The following RBFOX1 variants were observed in gnomAD, a reference collection of about 807,000 sequenced individuals.
RBFOX1 encodes RNA binding fox-1 homolog 1.
Under a neutral mutation model 57.7 loss-of-function variants are expected in RBFOX1, and 8 were observed. The observed-to-expected ratio is 0.14, with a 90% CI of 0.08 to 0.25. The LOEUF is 0.25. Ranked by LOEUF, RBFOX1 falls within the 10% of genes least tolerant of loss-of-function variation. The pLI is 1.00. For synonymous variants in RBFOX1, 326 were observed against 222.4 expected (o/e 1.47, Z -4.15); for missense variants, 611 against 548.5 (o/e 1.11, Z -1.14).
chr16:5,396,627 A>G (rs1281318436), intron 1 of RBFOX1, among the ~76,000 whole-genome samples: 1 of 152,152 alleles, frequency 6.6e-6, no homozygotes, highest in Admixed American at 6.5e-5. Context: ...GGATGACAGA[A>G]CAAGACTCTG....
At chr16:6,890,276 T>C (rs1224716246) in intron 3 of RBFOX1, among the ~76,000 whole-genome samples, 1 of 152,130 alleles carries the variant, frequency 6.6e-6, no homozygotes, top group Non-Finnish European at 1.5e-5. Context: ...CCTGGCACTT[T>C]GGGAGGCCGA....
intron 14 of RBFOX1, among the ~76,000 whole-genome samples, chr16:7,691,207 C>G (rs899664961): frequency 7.8e-6 from 1 of 128,584 alleles, no homozygotes; most frequent in East Asian, 2.0e-4. Flanking sequence ...ATTGAGAACT[C>G]TGCCTTGAAA....
At chr16:5,604,062 G>C (rs1453197076), downstream of RBFOX1, among the ~76,000 whole-genome samples, 2 of 152,048 alleles carry the variant, frequency 1.3e-5, no homozygotes, top group Admixed American at 6.5e-5. Context: ...CTAATCAATG[G>C]TGTCACTCTC....
chr16:6,802,091 C>T (rs1603626593), intron 3 of RBFOX1, among the ~76,000 whole-genome samples: 1 of 152,004 alleles, frequency 6.6e-6, no homozygotes, highest in South Asian at 2.1e-4. Flanking sequence ...TTGTTTAATC[C>T]TAAACAAGTC....
chr16:6,922,671 A>T (rs2074735397), intron 3 of RBFOX1, among the ~76,000 whole-genome samples: 1 of 152,160 alleles, frequency 6.6e-6, no homozygotes, highest in South Asian at 2.1e-4. Flanking sequence ...GGTGGAGTAA[A>T]CTTAGGCCAT....
intron 4 of RBFOX1, among the ~76,000 whole-genome samples, chr16:5,984,966 ATATATATATAT>A (rs1555462772): frequency 0.027 from 1,503 of 56,636 alleles, 11 homozygotes; most frequent in Non-Finnish European, 0.037. Flanking sequence ...ATATATATAT[ATATATATATAT>A]TTTTTTTTTT....
At chr16:6,284,827 C>T (rs2076735150) in intron 1 of RBFOX1, among the ~76,000 whole-genome samples, 1 of 152,120 alleles carries the variant, frequency 6.6e-6, no homozygotes, top group African/African-American at 2.4e-5. Flanking sequence ...ACTCCGTTCA[C>T]ATTATATACG....
intron 3 of RBFOX1, among the ~76,000 whole-genome samples, chr16:6,916,064 C>G (rs1190931030): frequency 1.3e-5 from 2 of 152,120 alleles, no homozygotes; most frequent in African/African-American, 4.8e-5. Flanking sequence ...CTGCTACTCC[C>G]CAGACCCAGG....
chr16:5,748,764 C>G (rs1443149875), intron 3 of RBFOX1, among the ~76,000 whole-genome samples: 1 of 152,104 alleles, frequency 6.6e-6, no homozygotes. Flanking sequence ...CTATGTGTGT[C>G]TCTGCACATG....
chr16:7,250,254 A>T (rs972835149), intron 4 of RBFOX1, among the ~76,000 whole-genome samples: 1 of 152,186 alleles, frequency 6.6e-6, no homozygotes, highest in Non-Finnish European at 1.5e-5. Flanking sequence ...TGGATTAGCC[A>T]TTAGGTGAAA....
chr16:6,431,854 G>C (rs1253812289), intron 2 of RBFOX1, among the ~76,000 whole-genome samples: 1 of 147,594 alleles, frequency 6.8e-6, no homozygotes, highest in East Asian at 2.0e-4. Flanking sequence ...ATGATTTAAG[G>C]AGTTTATTTA....
At chr16:7,231,534 G>C (rs117410158) in intron 4 of RBFOX1, among the ~76,000 whole-genome samples, 4,736 of 152,234 alleles carry the variant, frequency 0.031, 100 homozygotes, top group Middle Eastern at 0.062. Flanking sequence ...CCCATTCCCA[G>C]TTAGATGCCT....
intron 4 of RBFOX1, among the ~76,000 whole-genome samples, chr16:5,969,923 G>A (rs2059930392): frequency 6.6e-6 from 1 of 152,044 alleles, no homozygotes; most frequent in Admixed American, 6.6e-5. Flanking sequence ...TGGAGTCTTG[G>A]AGTTTGAACG....
intron 1 of RBFOX1, among the ~76,000 whole-genome samples, chr16:6,062,707 A>G (rs765577731): frequency 2.0e-5 from 3 of 151,524 alleles, no homozygotes; most frequent in Non-Finnish European, 4.4e-5. Flanking sequence ...CTATGCATAT[A>G]TAGTTACATT....
Position 7,287,171 on chromosome 16 carries a change from T to C in RBFOX1, c.28-230976T>C, listed in dbSNP as rs377489607. 2.0e-5 allele frequency among the ~76,000 whole-genome samples: 3 copies of C among 152,198 alleles called. 1 individual carries two copies. In the East Asian group the frequency reaches 5.8e-4, roughly 29 times the overall value. ...AATAGAGAGAGAAGATTAGTGATTC[T>C]CATTTGCCTGAGGAAAGTGCAGGTC... is the stretch of plus-strand genomic sequence containing the variant. On this transcript the variant is annotated intron_variant, in intron 4 of 15. Coordinates refer to ENST00000550418, the MANE Select transcript of RBFOX1 (RefSeq NM_018723.4).
intron 3 of RBFOX1, among the ~76,000 whole-genome samples, chr16:5,785,454 G>C (rs1436839831): frequency 2.6e-5 from 4 of 152,038 alleles, no homozygotes; most frequent in Non-Finnish European, 2.9e-5. Context: ...TCCATTTTCT[G>C]TCCTACCTTC....
chr16:6,454,077 TCTC>T (rs2094700926), intron 2 of RBFOX1, among the ~76,000 whole-genome samples: 1 of 152,194 alleles, frequency 6.6e-6, no homozygotes, highest in South Asian at 2.1e-4. Context: ...TTTGTCTTTG[TCTC>T]CTCTTCTTGC....
chr16:5,751,655 A>T (rs986437911), intron 3 of RBFOX1, among the ~76,000 whole-genome samples: 1 of 152,206 alleles, frequency 6.6e-6, no homozygotes, highest in African/African-American at 2.4e-5. Context: ...AAAGGTGAGG[A>T]GCATTTGGAA....
intron 2 of RBFOX1, among the ~76,000 whole-genome samples, chr16:6,337,085 T>C (rs1368909736): frequency 1.3e-5 from 2 of 152,220 alleles, no homozygotes; most frequent in Non-Finnish European, 1.5e-5. Context: ...GCACTTTATA[T>C]TACTCGACAG....
Sources: allele counts gnomAD v4.1 joint callset (sites outside exome capture counted in the v4.1 genomes callset), GRCh38; gene constraint gnomAD v4.1.1; transcripts MANE v1.5; gene names NCBI Gene and HGNC (gene_info 2026-07-23, HGNC 2026-07-21).